Variants in EED observed in about 807,000 individuals in gnomAD.
EED encodes polycomb protein EED.
Under a neutral mutation model 61.0 loss-of-function variants are expected in EED, and 9 were observed. The observed-to-expected ratio is 0.15, with a 90% confidence interval of 0.09 to 0.26. The LOEUF is 0.26. EED is among the 10% of genes least tolerant of loss of function. The pLI, the probability that EED is intolerant of heterozygous loss-of-function variation, is 1.00. For synonymous variants in EED, 187 were observed against 174.4 expected, an observed-to-expected ratio of 1.07 and a Z score of -0.57; for missense variants, 315 against 542.3, an observed-to-expected ratio of 0.58 and a Z score of 4.16.
downstream of EED, among the ~76,000 whole-genome samples, chr11:86,279,710 A>G (rs2138244262): frequency 6.6e-6 from 1 of 152,350 alleles, no homozygotes. Flanking sequence ...TATCTTGTAC[A>G]GTGTTTGATA....
intron 9 of EED, among the ~76,000 whole-genome samples, chr11:86,272,490 G>C (rs12222080): frequency 6.6e-6 from 1 of 152,318 alleles, no homozygotes; most frequent in East Asian, 1.9e-4. Flanking sequence ...TATGTACTCT[G>C]TTGAGTGGAA....
rs141734170 is a variant in EED at position 86,267,218 on chromosome 11, A to G, written c.860+1002A>G. Among the ~76,000 whole-genome samples, 420 of 152,346 alleles carry G rather than the reference A, an allele frequency of 2.8e-3. 2 individuals are homozygous for G. The highest frequency in any genetic ancestry group is 6.8e-3 in the Middle Eastern group (2 of 294). On this transcript the variant is annotated intron_variant, in intron 8 of 11. Transcript: ENST00000263360. Reference sequence around the variant, plus strand: ...GTATGTATTTAGCTAAAAAGCAATTAATATAATTATAGCAGAGTTAAGAAT... The same window carrying G: ...GTATGTATTTAGCTAAAAAGCAATTGATATAATTATAGCAGAGTTAAGAAT...
intron 8 of EED, among the ~76,000 whole-genome samples, chr11:86,267,605 T>C (rs1946012454): frequency 1.3e-5 from 2 of 152,124 alleles, no homozygotes; most frequent in African/African-American, 4.8e-5. Flanking sequence ...TATTTTGTTC[T>C]ATTTGTTTTT....
At chr11:86,256,883 G>A (rs1408714041) in intron 5 of EED, among the ~76,000 whole-genome samples, 1 of 152,204 alleles carries the variant, frequency 6.6e-6, no homozygotes, top group Non-Finnish European at 1.5e-5. Context: ...TGAAGCCTAG[G>A]AAGTTGATAA....
intron 9 of EED, chr11:86,276,326 C>T (rs1019822987): frequency 6.6e-6 from 1 of 152,142 alleles, no homozygotes; most frequent in South Asian, 2.1e-4. Flanking sequence ...AAGTTTGAAG[C>T]CTATTTCAAT....
At chr11:86,272,556 G>C (rs7127311) in intron 9 of EED, among the ~76,000 whole-genome samples, 1 of 151,990 alleles carries the variant, frequency 6.6e-6, no homozygotes, top group Non-Finnish European at 1.5e-5. Flanking sequence ...ATCCTTGTTC[G>C]GTGTCTACTG....
Position 86,278,704 on chromosome 11 carries a change from A to T in EED, c.*179A>T. Reference sequence around the variant, plus strand: ...TTCTTTGTACTGTCTTCCTGCTCAGACTCTACTGCTTTTAATAAAAATTTA... The same window carrying T: ...TTCTTTGTACTGTCTTCCTGCTCAGTCTCTACTGCTTTTAATAAAAATTTA... On this transcript the variant is annotated 3_prime_UTR_variant, in exon 12 of 12. Transcript: ENST00000263360. The T allele has an allele frequency of 1.5e-6, 1 of 685,054 alleles. No homozygotes were observed. The highest frequency in any genetic ancestry group is 2.1e-6 in the Non-Finnish European group (1 of 478,920). 42.4% of individuals were successfully genotyped at this position (685,054 alleles called of 1,614,324 possible).
intron 9 of EED, among the ~76,000 whole-genome samples, chr11:86,269,006 T>A (rs1946049282): frequency 1.3e-5 from 2 of 152,152 alleles, no homozygotes. Context: ...ATACAGATGC[T>A]CCTCAACTTA....
At chr11:86,276,338 C>T (rs998986950) in intron 9 of EED, 1 of 152,140 alleles carries the variant, frequency 6.6e-6, no homozygotes, top group Non-Finnish European at 1.5e-5. Flanking sequence ...TATTTCAATC[C>T]TATCCCCATA....
chr11:86,261,194 C>G (rs140686011), intron 6 of EED, among the ~76,000 whole-genome samples: 1 of 152,274 alleles, frequency 6.6e-6, no homozygotes, highest in African/African-American at 2.4e-5. Flanking sequence ...TATCTATTTT[C>G]AAAATACAGT....
Position 86,264,343 on chromosome 11 carries a change from A to C in EED, c.726+80A>C, listed in dbSNP as rs975478034. The C allele has an allele frequency of 8.8e-6, 9 of 1,023,302 alleles. No homozygotes were observed. The African/African-American group carries it at 1.1e-4, about 13-fold the overall frequency. 63.4% of individuals were successfully genotyped at this position (1,023,302 alleles called of 1,614,324 possible). A position where few individuals can be genotyped will look rare whatever the true frequency, so the allele number is the denominator to read the frequency against. On this transcript the variant is annotated intron_variant, in intron 7 of 11. Transcript: ENST00000263360. ...CTCCATGGAACTGTTTCCTTATAAG[A>C]AAGTGTGTTTCATGTAGCCTGTCAG...
intron 6 of EED, among the ~76,000 whole-genome samples, 159 bp downstream of exon 6, chr11:86,257,755 A>G (rs1203876573): frequency 2.6e-5 from 4 of 152,132 alleles, no homozygotes; most frequent in African/African-American, 7.2e-5. Flanking sequence ...CACAACCACA[A>G]CCTTGCACAA....
chr11:86,256,655 G>A, intron 5 of EED, 143 bp downstream of exon 5: 1 of 823,498 alleles, frequency 1.2e-6, no homozygotes, highest in Non-Finnish European at 1.7e-6. Flanking sequence ...CTTTGGATGA[G>A]TCTTTTGAGA....
chr11:86,247,500 G>A (rs79326775), intron 1 of EED, among the ~76,000 whole-genome samples: 4,759 of 152,226 alleles, frequency 0.031, 239 homozygotes, highest in African/African-American at 0.11. Context: ...TTTTCGAAGT[G>A]TAATATAAAA....
the EED span, among the ~76,000 whole-genome samples, chr11:86,285,527 T>C: frequency 5.3e-5 from 8 of 152,276 alleles, no homozygotes; most frequent in African/African-American, 1.4e-4. Flanking sequence ...TAAATTTTGC[T>C]ACTTAATGCC....
At chr11:86,252,295 A>C in intron 3 of EED, 55 bp downstream of exon 3, 1 of 1,232,914 alleles carries the variant, frequency 8.1e-7, no homozygotes, top group Non-Finnish European at 1.2e-6. Context: ...TCTGGTGTTA[A>C]TGTAATATTG....
intron 6 of EED, among the ~76,000 whole-genome samples, chr11:86,260,420 G>A (rs568674638): frequency 3.3e-5 from 5 of 151,860 alleles, no homozygotes; most frequent in African/African-American, 1.2e-4. Flanking sequence ...GTAGAGATAC[G>A]GTTTCATTAT....
the EED span, chr11:86,283,912 T>A: frequency 6.6e-6 from 1 of 151,872 alleles, no homozygotes; most frequent in African/African-American, 2.4e-5. Flanking sequence ...TTATCTTACT[T>A]GCTACCAGGA....
At chr11:86,247,260 G>C (rs533608905) in intron 1 of EED, among the ~76,000 whole-genome samples, 1 of 152,158 alleles carries the variant, frequency 6.6e-6, no homozygotes, top group East Asian at 1.9e-4. Flanking sequence ...GTGTGCGTGC[G>C]CATGCCTTGG....
Sources: gnomAD v4.1 joint callset for allele counts (sites outside exome capture counted in the v4.1 genomes callset) on GRCh38, gnomAD v4.1.1 for gene constraint, MANE v1.5 for transcripts, NCBI Gene and HGNC (gene_info 2026-07-23, HGNC 2026-07-21) for gene names.